ADAMTS9: variants seen among roughly 807,000 people sequenced by gnomAD.
The protein encoded by ADAMTS9 is ADAM metallopeptidase with thrombospondin type 1 motif 9.
In ADAMTS9, 107 loss-of-function variants were observed where a neutral mutation model predicts 257.1. The ratio of observed to expected loss-of-function variants is 0.42; its 90% CI spans 0.36 to 0.49. ADAMTS9 has a LOEUF of 0.49. Ranked by LOEUF, ADAMTS9 falls within the 20% of genes least tolerant of loss-of-function variation. The pLI, the probability that ADAMTS9 is intolerant of heterozygous loss-of-function variation, is 0.03. For missense variants in ADAMTS9, 2,353 were observed against 2,469.1 expected, an observed-to-expected ratio of 0.95 and a Z score of 1.00; for synonymous variants, 982 against 880.9, an observed-to-expected ratio of 1.11 and a Z score of -2.03.
At position 64,647,210 on chromosome 3, in the gene ADAMTS9, T is replaced by A. The variant is rs557895599; in HGVS notation, c.1710+730A>T. ...CCAATTTCCATGTGTATTTTTTTTT[T>A]AAATCAAGATTTATATCTAAAACTT... On this transcript the variant is annotated intron_variant, in intron 11 of 39. Transcript: ENST00000498707. 5.1e-4 allele frequency among the ~76,000 whole-genome samples: 78 copies of A among 152,208 alleles called. No individual in the cohort carries two copies. In the East Asian group the frequency reaches 6.6e-3, roughly 13 times the overall value.
intron 12 of ADAMTS9, 120 bp from the exon 13 acceptor site, chr3:64,633,999 A>G: frequency 2.2e-6 from 2 of 912,406 alleles, no homozygotes; most frequent in South Asian, 3.4e-5. Context: ...GGCAAATGAC[A>G]GAGGAATGGG....
At chr3:64,630,930 A>G (rs1043743401) in intron 16 of ADAMTS9, among the ~76,000 whole-genome samples, 1 of 152,198 alleles carries the variant, frequency 6.6e-6, no homozygotes, top group Non-Finnish European at 1.5e-5. Context: ...AGGATAAAAA[A>G]TCTGTATAGT....
chr3:64,620,245 G>C (rs891872076), intron 19 of ADAMTS9, among the ~76,000 whole-genome samples: 3 of 152,118 alleles, frequency 2.0e-5, no homozygotes, highest in Non-Finnish European at 4.4e-5. Flanking sequence ...TATTTTCTCA[G>C]AGCCTCAAGT....
intron 12 of ADAMTS9, among the ~76,000 whole-genome samples, chr3:64,640,762 T>A (rs1700616594): frequency 6.6e-6 from 1 of 152,224 alleles, no homozygotes; most frequent in African/African-American, 2.4e-5. Context: ...ATGTCTTAGA[T>A]CCATGTAAAA....
At chr3:64,569,757 ATTT>A (rs1179221645) in intron 28 of ADAMTS9, among the ~76,000 whole-genome samples, 1 of 152,146 alleles carries the variant, frequency 6.6e-6, no homozygotes, top group Non-Finnish European at 1.5e-5. Flanking sequence ...TTTGGCTTTA[ATTT>A]TTTTAACTTT....
chr3:64,569,225 G>A (rs897779939), intron 28 of ADAMTS9, among the ~76,000 whole-genome samples: 1 of 152,192 alleles, frequency 6.6e-6, no homozygotes, highest in African/African-American at 2.4e-5. Flanking sequence ...AGGAATCAAA[G>A]TGCCCATGGA....
chr3:64,616,241 A>G (rs1298444921), intron 19 of ADAMTS9, 71 bp from the exon 20 acceptor site: 1 of 1,505,900 alleles, frequency 6.6e-7, no homozygotes, highest in East Asian at 2.3e-5. Context: ...GTCAACTGGT[A>G]TTCATAGAAG....
chr3:64,554,331 A>G (rs2083304903), intron 30 of ADAMTS9, among the ~76,000 whole-genome samples: 1 of 152,376 alleles, frequency 6.6e-6, no homozygotes, highest in African/African-American at 2.4e-5. Flanking sequence ...TAAACTAAGT[A>G]AATAAGTGAC....
At position 64,575,001 on chromosome 3, in the gene ADAMTS9, A is replaced by G. The variant is rs1190226108; in HGVS notation, c.4357-6466T>C. ...GCCTGTGAAGAAAGACACTATAAAA[A>G]GCAAACATACAATCCCATAAATAAA... On this transcript the variant is annotated intron_variant, in intron 28 of 39. Coordinates refer to ENST00000498707, the MANE Select transcript of ADAMTS9 (RefSeq NM_182920.2). Among the ~76,000 whole-genome samples the G allele has an allele frequency of 3.3e-5, 5 of 152,322 alleles. No homozygotes were observed. In the South Asian group the frequency reaches 8.3e-4, roughly 25 times the overall value.
intron 9 of ADAMTS9, 83 bp from the exon 10 acceptor site, chr3:64,649,861 C>T (rs768891675): frequency 1.3e-5 from 19 of 1,465,618 alleles, no homozygotes; most frequent in East Asian, 2.4e-5. Context: ...GGCCACCCCA[C>T]CATTGTAATG....
Position 64,632,465 on chromosome 3 carries a change from T to C in ADAMTS9, c.2176-540A>G, listed in dbSNP as rs1350654455. Among the ~76,000 whole-genome samples the C allele has an allele frequency of 2.0e-5, 3 of 152,052 alleles. No individual in the cohort carries two copies. The East Asian group carries it at 5.8e-4, about 29-fold the overall frequency. On this transcript the variant is annotated intron_variant, in intron 14 of 39. Transcript: ENST00000498707. ...AAAATTGACTTTATGTAAAATCCCA[T>C]ACGTTTAAATATTGGCTATGAATGC...
chr3:64,542,454 T>A lies in ADAMTS9; in HGVS notation c.5065-484A>T, dbSNP rs945352231. On this transcript the variant is annotated intron_variant, in intron 32 of 39. Transcript: ENST00000498707. ...TCTTTTTTTTTTTTTTGAGACAGAG[T>A]TTTGCTCTTGTTGCCTAGGCCGGAG... is the stretch of plus-strand genomic sequence containing the variant. 8.7e-5 allele frequency among the ~76,000 whole-genome samples: 11 copies of A among 126,604 alleles called. No homozygotes were observed. In the South Asian group the frequency reaches 2.0e-3, roughly 23 times the overall value. 83.1% of individuals were successfully genotyped at this position (126,604 alleles called of 152,430 possible).
At chr3:64,682,970 A>G (rs1701796143) in intron 2 of ADAMTS9, among the ~76,000 whole-genome samples, 1 of 152,160 alleles carries the variant, frequency 6.6e-6, no homozygotes, top group South Asian at 2.1e-4. Flanking sequence ...TGGATCTAGA[A>G]TGTTTTTGTT....
chr3:64,671,138 G>C (rs1395687335), intron 3 of ADAMTS9, among the ~76,000 whole-genome samples: 4 of 152,186 alleles, frequency 2.6e-5, no homozygotes, highest in Admixed American at 2.6e-4. Flanking sequence ...TGTCGCTCAA[G>C]TGGGTAATGG....
At chr3:64,523,974 A>T (rs1371868163) in intron 38 of ADAMTS9, among the ~76,000 whole-genome samples, 1 of 152,178 alleles carries the variant, frequency 6.6e-6, no homozygotes, top group African/African-American at 2.4e-5. Context: ...ATTGTACCTA[A>T]AATTACAAGG....
intron 16 of ADAMTS9, among the ~76,000 whole-genome samples, chr3:64,628,931 G>A (rs1700298136): frequency 6.6e-6 from 1 of 152,174 alleles, no homozygotes; most frequent in African/African-American, 2.4e-5. Context: ...TAATAAATAT[G>A]TAACTAGTCT....
chr3:64,600,417 C>T (rs1487378037), intron 26 of ADAMTS9, among the ~76,000 whole-genome samples: 1 of 152,302 alleles, frequency 6.6e-6, no homozygotes, highest in African/African-American at 2.4e-5. Flanking sequence ...TATTACCCAT[C>T]GCCACAAAAA....
At position 64,558,766 on chromosome 3, in the gene ADAMTS9, G is replaced by A. The variant is rs548588240; in HGVS notation, c.4698+2812C>T. Among the ~76,000 whole-genome samples the A allele has an allele frequency of 7.7e-4, 117 of 152,270 alleles. 1 individual carries two copies. In the Middle Eastern group the frequency reaches 0.01, roughly 13 times the overall value. ...AGCAAAAGGCAAAGTGCATACTCAA[G>A]CAAACAAGAGTTCTGAGGTGGTGGC... is the stretch of plus-strand genomic sequence containing the variant. On this transcript the variant is annotated intron_variant, in intron 30 of 39. Transcript: ENST00000498707.
chr3:64,650,158 A>G (rs1048520058), intron 9 of ADAMTS9: 2 of 164,138 alleles, frequency 1.2e-5, no homozygotes, highest in African/African-American at 4.8e-5. Context: ...TGATTAGTAA[A>G]TGTTTGCTGA....
Sources: gnomAD v4.1 joint callset for allele counts (sites outside exome capture counted in the v4.1 genomes callset) on GRCh38, gnomAD v4.1.1 for gene constraint, MANE v1.5 for transcripts, NCBI Gene and HGNC (gene_info 2026-07-23, HGNC 2026-07-21) for gene names.